XK: variants seen among roughly 807,000 people sequenced by gnomAD.
XK encodes X-linked Kx blood group antigen, Kell and VPS13A binding protein, also known as endoplasmic reticulum membrane adapter protein XK.
Under a neutral mutation model 14.0 loss-of-function variants are expected in XK, and 2 were observed. The ratio of observed to expected loss-of-function variants is 0.14; its 90% confidence interval spans 0.06 to 0.45. The LOEUF (loss-of-function observed/expected upper bound fraction) is 0.45, where lower values mean the gene tolerates loss of function less well. XK is among the 20% of genes least tolerant of loss of function. The pLI, the probability that XK is intolerant of heterozygous loss-of-function variation, is 0.98. For missense variants in XK, 235 were observed against 341.5 expected, an observed-to-expected ratio of 0.69 and a Z score of 2.46; for synonymous variants, 149 against 147.5, an observed-to-expected ratio of 1.01 and a Z score of -0.08.
rs139901502 is a variant in XK, at chrX:37,694,061, A to C, written c.246-225A>C. Among the ~76,000 whole-genome samples, 381 of 111,608 alleles carry C rather than the reference A, an allele frequency of 3.4e-3. 2 individuals are homozygous for C. The highest frequency in any genetic ancestry group is 0.012 in the African/African-American group (364 of 30,695). On this transcript the variant is annotated intron_variant, in intron 1 of 2. Transcript: ENST00000378616. Reference sequence around the variant, plus strand: ...CCTTGCTTCAGTGGCCTTTGGTATTACCTCTTCATTTGGTTCTCATTCAAT... The same window carrying C: ...CCTTGCTTCAGTGGCCTTTGGTATTCCCTCTTCATTTGGTTCTCATTCAAT...
intron 2 of XK, among the ~76,000 whole-genome samples, chrX:37,723,396 A>C (rs1556449373): frequency 9.0e-6 from 1 of 111,295 alleles, no homozygotes; most frequent in East Asian, 2.8e-4. Flanking sequence ...TTGTCTCCCA[A>C]ATGTGTCTCC....
chrX:37,702,914 G>C (rs1485689679), intron 2 of XK, among the ~76,000 whole-genome samples: 1 of 112,226 alleles, frequency 8.9e-6, no homozygotes, highest in Non-Finnish European at 1.9e-5. Context: ...GAACTGATAT[G>C]TGGTTGTATT....
intron 2 of XK, among the ~76,000 whole-genome samples, chrX:37,699,678 T>C (rs1182902011): frequency 1.8e-5 from 2 of 112,291 alleles, no homozygotes; most frequent in Admixed American, 9.4e-5. Flanking sequence ...AATGTTTTGA[T>C]TGAAACACAT....
At position 37,732,007 on chromosome X, in the gene XK, G is replaced by T. The variant is rs1928100570; in HGVS notation, c.*3545G>T. The T allele has an allele frequency of 9.0e-6, 1 of 111,639 alleles. No individual in the cohort carries two copies. Among genetic ancestry groups the T allele is most frequent in the Non-Finnish European group, 1.9e-5 (1 of 53,046 alleles). 9.2% of individuals were successfully genotyped at this position (111,639 alleles called of 1,213,427 possible). ...GCTATGGTTATGAGTGTATGTGCCA[G>T]TACTTACCAGTCAATGCATTGTGGA... On this transcript the variant is annotated 3_prime_UTR_variant, in exon 3 of 3. Coordinates refer to ENST00000378616, the MANE Select transcript of XK (RefSeq NM_021083.4).
intron 2 of XK, among the ~76,000 whole-genome samples, chrX:37,725,030 A>G (rs1927949944): frequency 8.9e-6 from 1 of 111,948 alleles, no homozygotes; most frequent in South Asian, 3.7e-4. Context: ...CAACAACGTG[A>G]ATGAACCTGG....
chrX:37,712,540 C>T (rs1927685519), intron 2 of XK, among the ~76,000 whole-genome samples: 1 of 112,271 alleles, frequency 8.9e-6, no homozygotes, highest in South Asian at 3.7e-4. Context: ...AAGGGAAATA[C>T]ACTGGAATAT....
rs572343619 is a variant in XK, at chrX:37,728,802, T to A, written c.*340T>A. Reference sequence around the variant, plus strand: ...TTGAATGAGGAGAGGGGCTTACCTGTTCTCTAGTTTTCCAGACTGCTGGTT... The same window carrying A: ...TTGAATGAGGAGAGGGGCTTACCTGATCTCTAGTTTTCCAGACTGCTGGTT... On this transcript the variant is annotated 3_prime_UTR_variant, in exon 3 of 3. Transcript: ENST00000378616. 8 of 205,745 alleles carry A rather than the reference T, an allele frequency of 3.9e-5. No individual in the cohort carries two copies. The South Asian group carries it at 6.4e-4, about 17-fold the overall frequency. 17.0% of individuals were successfully genotyped at this position (205,745 alleles called of 1,213,427 possible).
chrX:37,693,806 A>C (rs1927252278), intron 1 of XK, among the ~76,000 whole-genome samples: 1 of 111,886 alleles, frequency 8.9e-6, no homozygotes, highest in Admixed American at 9.4e-5. Flanking sequence ...TGGAACACAC[A>C]CACGTGTGTG....
At chrX:37,726,269 G>A (rs1415802732) in intron 2 of XK, among the ~76,000 whole-genome samples, 1 of 111,482 alleles carries the variant, frequency 9.0e-6, no homozygotes, top group East Asian at 2.8e-4. Flanking sequence ...CAACTTTACT[G>A]TGAACCTAAA....
intron 2 of XK, among the ~76,000 whole-genome samples, chrX:37,699,196 G>GT (rs1569473377): frequency 8.9e-6 from 1 of 112,263 alleles, no homozygotes; most frequent in Non-Finnish European, 1.9e-5. Flanking sequence ...TTAAGAATGC[G>GT]TAAGTGGAAC....
In XK at chrX:37,685,829, C is replaced by T. The variant is rs1556439979; in HGVS notation, c.-133C>T. The T allele has an allele frequency of 2.9e-6, 2 of 700,300 alleles. No individual in the cohort carries two copies. The highest frequency in any genetic ancestry group is 1.9e-6 in the Non-Finnish European group (1 of 530,476). The allele number at this position is 700,300 out of a possible 1,213,427, so 57.7% of individuals were successfully genotyped here. A position where few individuals can be genotyped will look rare whatever the true frequency, so the allele number is the denominator to read the frequency against. On this transcript the variant is annotated 5_prime_UTR_variant, in exon 1 of 3. Transcript: ENST00000378616. ...GTCGGCCGGGCCCGCGTGCCCTCGGCGGGCTGCGCAGAGCGCGGGAGCGGT... is the reference window on the plus strand; with the variant it reads ...GTCGGCCGGGCCCGCGTGCCCTCGGTGGGCTGCGCAGAGCGCGGGAGCGGT...
intron 2 of XK, among the ~76,000 whole-genome samples, chrX:37,724,096 G>T (rs1927930875): frequency 2.7e-5 from 3 of 111,353 alleles, no homozygotes; most frequent in Admixed American, 9.5e-5. Flanking sequence ...CTGATGCTTT[G>T]AGTAAGAGTG....
chrX:37,727,723 A>G lies in XK; in HGVS notation c.596A>G (p.Tyr199Cys). 1 of 1,211,392 alleles carries G rather than the reference A, an allele frequency of 8.3e-7. No individual in the cohort carries two copies. The highest frequency in any genetic ancestry group is 1.1e-6 in the Non-Finnish European group (1 of 895,364). Reference protein sequence around the residue: ...ILAIKIKYDEYEVKVKPLAYV... With the variant: ...ILAIKIKYDECEVKVKPLAYV... ...GCCATCAAAATCAAGTACGATGAGT[A>G]TGAAGTCAAAGTGAAGCCTCTGGCC... The change falls in exon 3 of 3, where the codon TAT becomes TGT. Residue 199 changes from tyrosine to cysteine, a missense_variant. By Grantham distance (194) the Tyr-to-Cys change is radical. Coordinates refer to ENST00000378616, the MANE Select transcript of XK (RefSeq NM_021083.4).
intron 2 of XK, among the ~76,000 whole-genome samples, chrX:37,706,217 T>A (rs1556445110): frequency 9.0e-6 from 1 of 111,720 alleles, no homozygotes; most frequent in African/African-American, 3.2e-5. Context: ...AGAATTAAGT[T>A]AGGATCATGA....
intron 1 of XK, among the ~76,000 whole-genome samples, chrX:37,692,970 CCA>C (rs1491018269): frequency 1.5e-4 from 16 of 110,041 alleles, no homozygotes; most frequent in Non-Finnish European, 2.1e-4. Context: ...CAACCCCCCC[CCA>C]CACACACACC....
In XK at chrX:37,728,770, C is replaced by G; in HGVS notation, c.*308C>G. 3.6e-6 allele frequency: 1 copy of G among 280,293 alleles called. No individual in the cohort carries two copies. Among genetic ancestry groups the G allele is most frequent in the Non-Finnish European group, 6.4e-6 (1 of 156,994 alleles). 23.1% of individuals were successfully genotyped at this position (280,293 alleles called of 1,213,427 possible). A position where few individuals can be genotyped will look rare whatever the true frequency, so the allele number is the denominator to read the frequency against. On this transcript the variant is annotated 3_prime_UTR_variant, in exon 3 of 3. Transcript: ENST00000378616. ...AAATCTGAGTTGTACTGGTTAGATTCATTAGGTTGAATGAGGAGAGGGGCT... is the reference window on the plus strand; with the variant it reads ...AAATCTGAGTTGTACTGGTTAGATTGATTAGGTTGAATGAGGAGAGGGGCT...
In XK at chrX:37,724,558, T is replaced by C. The variant is rs5918202; in HGVS notation, c.509-3078T>C. On this transcript the variant is annotated intron_variant, in intron 2 of 2. Transcript: ENST00000378616. ...ACTATAAAATTCCTAGAAGATAACA[T>C]AGGAGAAAATCTAGGTGACTTTGGA... Among the ~76,000 whole-genome samples, 801 of 111,267 alleles carry C rather than the reference T, an allele frequency of 7.2e-3. 3 individuals are homozygous for C. Among genetic ancestry groups the C allele is most frequent in the Middle Eastern group, 0.033 (7 of 214 alleles).
At chrX:37,698,322 G>A (rs575443547) in intron 2 of XK, among the ~76,000 whole-genome samples, 3 of 110,429 alleles carry the variant, frequency 2.7e-5, no homozygotes, top group African/African-American at 9.9e-5. Context: ...GGGAAATTGA[G>A]CCAGACACAG....
intron 2 of XK, among the ~76,000 whole-genome samples, chrX:37,713,303 A>G (rs1475224214): frequency 1.3e-4 from 15 of 111,585 alleles, no homozygotes; most frequent in African/African-American, 4.6e-4. Flanking sequence ...TTTTTACAAC[A>G]TGGAAGCTAG....
Sources: allele counts gnomAD v4.1 joint callset (sites outside exome capture counted in the v4.1 genomes callset), GRCh38; gene constraint gnomAD v4.1.1; transcripts MANE v1.5; gene names NCBI Gene and HGNC (gene_info 2026-07-23, HGNC 2026-07-21).